AUTS2: variants seen among roughly 807,000 people sequenced by gnomAD.
The protein encoded by AUTS2 is activator of transcription and developmental regulator AUTS2.
AUTS2 carries 17 observed loss-of-function variants against 112.4 expected under a neutral mutation model. The observed-to-expected ratio is 0.15, with a 90% CI of 0.10 to 0.23. The LOEUF is 0.23. Among genes scored for constraint, AUTS2 ranks in the 10% least tolerant of loss-of-function variants. The probability of loss-of-function intolerance (pLI) is 1.00; values close to 1 mark genes in which losing one functional copy is unlikely to be tolerated. For synonymous variants in AUTS2, 751 were observed against 702.7 expected (o/e 1.07, Z -1.09); for missense variants, 1,510 against 1,701.6 (o/e 0.89, Z 1.98).
intron 4 of AUTS2, among the ~76,000 whole-genome samples, chr7:70,424,779 G>A (rs1464470067): frequency 6.6e-6 from 1 of 152,124 alleles, no homozygotes; most frequent in African/African-American, 2.4e-5. Flanking sequence ...AGGGACAGGG[G>A]TCTCGCTATG....
chr7:70,034,679 T>G (rs1197145182), intron 2 of AUTS2, among the ~76,000 whole-genome samples: 1 of 152,194 alleles, frequency 6.6e-6, no homozygotes, highest in Non-Finnish European at 1.5e-5. Flanking sequence ...GTTTGGTGGT[T>G]GTTACAAATG....
At chr7:70,730,680 T>G (rs768957380) in intron 6 of AUTS2, among the ~76,000 whole-genome samples, 1 of 92,120 alleles carries the variant, frequency 1.1e-5, no homozygotes, top group South Asian at 4.8e-4. Flanking sequence ...GTTGCTTCTA[T>G]TTTTTTGGCT....
At chr7:70,741,522 T>C (rs1449741639) in intron 6 of AUTS2, among the ~76,000 whole-genome samples, 2 of 151,784 alleles carry the variant, frequency 1.3e-5, no homozygotes, top group Non-Finnish European at 2.9e-5. Context: ...AGAAACCCCA[T>C]CTCTACTAAA....
intron 4 of AUTS2, among the ~76,000 whole-genome samples, chr7:70,337,626 A>C (rs977775037): frequency 6.6e-6 from 1 of 152,220 alleles, no homozygotes; most frequent in Non-Finnish European, 1.5e-5. Flanking sequence ...TTGCTTTTTC[A>C]TGTGTTTGCT....
chr7:70,257,486 T>A (rs2129606047), intron 4 of AUTS2, among the ~76,000 whole-genome samples: 1 of 152,184 alleles, frequency 6.6e-6, no homozygotes, highest in South Asian at 2.1e-4. Context: ...CCGAGCTAAT[T>A]TTTGTATTTT....
intron 5 of AUTS2, among the ~76,000 whole-genome samples, chr7:70,640,144 G>A (rs1376089018): frequency 5.3e-5 from 8 of 152,090 alleles, no homozygotes; most frequent in African/African-American, 1.7e-4. Flanking sequence ...GGAGCATTGT[G>A]GTCTCTTTCT....
rs1285090248 is a variant in AUTS2 at position 70,763,237 on chromosome 7, G to T, written c.1110G>T (p.Leu370=). The part of the protein sequence containing the change: ...RPPRPQSPTQ[L]LHQNLPPVQA... ...CCAGGCCACAGTCCCCCACCCAGCT[G>T]CTCCATCAGAACCTCCCACCTGTGC... The change falls in exon 7 of 19, where the codon CTG becomes CTT. Residue 370 remains leucine (L), a synonymous_variant. Coordinates refer to ENST00000342771, the MANE Select transcript of AUTS2 (RefSeq NM_015570.4). 1.2e-6 allele frequency: 2 copies of T among 1,614,008 alleles called. No homozygotes were observed. Among genetic ancestry groups the T allele is most frequent in the South Asian group, 2.2e-5 (2 of 91,052 alleles).
At chr7:69,955,003 G>A (rs982705147) in intron 2 of AUTS2, among the ~76,000 whole-genome samples, 4 of 152,154 alleles carry the variant, frequency 2.6e-5, no homozygotes, top group African/African-American at 7.2e-5. Flanking sequence ...CATTTGTTCT[G>A]TAACACCATG....
chr7:70,106,911 G>GT (rs557820197), intron 2 of AUTS2, among the ~76,000 whole-genome samples: 49 of 148,314 alleles, frequency 3.3e-4, no homozygotes, highest in South Asian at 3.0e-3. Context: ...AAAAGGAGTG[G>GT]TTTTTTTTTT....
At chr7:70,253,470 C>A (rs1002090119) in intron 4 of AUTS2, among the ~76,000 whole-genome samples, 4 of 152,174 alleles carry the variant, frequency 2.6e-5, no homozygotes, top group African/African-American at 7.2e-5. Context: ...CATCCTTTTG[C>A]CTTTCCTTAC....
At chr7:70,693,753 T>A (rs1188717656) in intron 5 of AUTS2, among the ~76,000 whole-genome samples, 1 of 152,220 alleles carries the variant, frequency 6.6e-6, no homozygotes, top group Non-Finnish European at 1.5e-5. Flanking sequence ...GCTGCGGGCC[T>A]AGTGGCCTTT....
intron 5 of AUTS2, among the ~76,000 whole-genome samples, chr7:70,570,903 C>G (rs1455819302): frequency 6.6e-6 from 1 of 151,154 alleles, no homozygotes; most frequent in African/African-American, 2.4e-5. Context: ...ATCTTGTAGT[C>G]TTGCCTCCTG....
At chr7:70,267,494 C>T (rs1006369710) in intron 4 of AUTS2, among the ~76,000 whole-genome samples, 4 of 152,062 alleles carry the variant, frequency 2.6e-5, no homozygotes, top group African/African-American at 7.2e-5. Flanking sequence ...TGTGCTGACA[C>T]GATAATAGGA....
chr7:69,963,789 A>G (rs1335431251), intron 2 of AUTS2, among the ~76,000 whole-genome samples: 2 of 152,144 alleles, frequency 1.3e-5, no homozygotes, highest in Non-Finnish European at 2.9e-5. Flanking sequence ...AGCATTTGGC[A>G]TGGCTGGGAT....
intron 5 of AUTS2, among the ~76,000 whole-genome samples, chr7:70,666,573 G>A (rs1348791680): frequency 1.3e-5 from 2 of 152,140 alleles, no homozygotes; most frequent in Non-Finnish European, 2.9e-5. Context: ...CTCTGTCTCT[G>A]TGCTTTCTCC....
intron 2 of AUTS2, among the ~76,000 whole-genome samples, chr7:70,116,973 A>G (rs995173921): frequency 2.0e-5 from 3 of 152,182 alleles, no homozygotes; most frequent in Non-Finnish European, 4.4e-5. Context: ...CTAGTACTCC[A>G]TATATTTATG....
At chr7:70,378,890 G>A (rs569254764) in intron 4 of AUTS2, among the ~76,000 whole-genome samples, 1 of 152,308 alleles carries the variant, frequency 6.6e-6, no homozygotes, top group Admixed American at 6.5e-5. Context: ...ATATGATTCA[G>A]AAACCATCTA....
chr7:70,135,404 A>C (rs1442416069), intron 4 of AUTS2, among the ~76,000 whole-genome samples: 2 of 152,202 alleles, frequency 1.3e-5, no homozygotes, highest in African/African-American at 4.8e-5. Flanking sequence ...TGAGTGATGA[A>C]CACTGATACA....
chr7:69,909,868 C>T (rs1055840625), intron 2 of AUTS2, among the ~76,000 whole-genome samples: 4 of 151,688 alleles, frequency 2.6e-5, no homozygotes, highest in African/African-American at 7.3e-5. Flanking sequence ...AATAATCTAC[C>T]GAATAGTTGC....
Sources: gnomAD v4.1 joint callset for allele counts (sites outside exome capture counted in the v4.1 genomes callset) on GRCh38, gnomAD v4.1.1 for gene constraint, MANE v1.5 for transcripts, NCBI Gene and HGNC (gene_info 2026-07-23, HGNC 2026-07-21) for gene names.